FGFRL1: variants seen among roughly 807,000 people sequenced by gnomAD.
The protein encoded by FGFRL1 is fibroblast growth factor receptor-like 1.
FGFRL1 carries 24 observed loss-of-function variants against 36.8 expected under a neutral mutation model. The observed-to-expected ratio is 0.65, with a 90% CI of 0.47 to 0.92. The LOEUF (loss-of-function observed/expected upper bound fraction) is 0.92, where lower values mean the gene tolerates loss of function less well. Ranked by LOEUF, FGFRL1 falls within the 40% of genes least tolerant of loss-of-function variation. The pLI, the probability that FGFRL1 is intolerant of heterozygous loss-of-function variation, is 0.00. For missense variants in FGFRL1, 785 were observed against 753.4 expected (o/e 1.04, Z -0.49); for synonymous variants, 422 against 344.1 (o/e 1.23, Z -2.50).
chr4:1,014,706 C>G (rs1240021754), intron 2 of FGFRL1, among the ~76,000 whole-genome samples: 2 of 152,258 alleles, frequency 1.3e-5, no homozygotes, highest in Admixed American at 1.3e-4. Context: ...GCCTTCCTCC[C>G]TCGCCCCAGG....
chr4:1,022,614 A>C, intron 3 of FGFRL1, 139 bp downstream of exon 3: 2 of 1,090,020 alleles, frequency 1.8e-6, no homozygotes, highest in South Asian at 1.7e-5. Flanking sequence ...GCCCTGCCCC[A>C]CCTCAGCTGG....
rs559902765 is a variant in FGFRL1, at chr4:1,023,192, C to G, written c.353-449C>G. Among the ~76,000 whole-genome samples, 10 of 152,322 alleles carry G rather than the reference C, an allele frequency of 6.6e-5. No homozygotes were observed. The highest frequency in any genetic ancestry group is 1.9e-4 in the East Asian group (1 of 5,190). On this transcript the variant is annotated intron_variant, in intron 3 of 6. Coordinates refer to ENST00000510644, the MANE Select transcript of FGFRL1 (RefSeq NM_001004356.3). This position sits in a 1 kb window ranked among gnomAD's most constrained non-coding sequence, Gnocchi z 6.0. ...TGGAGGGGACATTCCACAGCACGCC[C>G]TGCCCCTCGGCATTGTGTGGAATGG...
chr4:1,023,744 G>C lies in FGFRL1; in HGVS notation c.433+23G>C. ...GGGGTGAGCAGGGGGTGACGGGGGT[G>C]GGGGGCGTCCGTCTGTCCCGGCCCC... On this transcript the variant is annotated intron_variant, in intron 4 of 6. Transcript: ENST00000510644. The surrounding 1 kb of genome is among the most constrained non-coding windows in gnomAD (Gnocchi z 6.0). 1 of 1,550,510 alleles carries C rather than the reference G, an allele frequency of 6.4e-7. No individual in the cohort carries two copies. The highest frequency in any genetic ancestry group is 8.7e-7 in the Non-Finnish European group (1 of 1,148,110).
At chr4:1,013,629 C>T (rs1277352168) in intron 2 of FGFRL1, among the ~76,000 whole-genome samples, 1 of 152,392 alleles carries the variant, frequency 6.6e-6, no homozygotes, top group South Asian at 2.1e-4. Context: ...CCATACTGGG[C>T]GAGCCCCTAC....
At chr4:1,016,204 G>A (rs1715878501) in intron 2 of FGFRL1, among the ~76,000 whole-genome samples, 1 of 152,186 alleles carries the variant, frequency 6.6e-6, no homozygotes, top group African/African-American at 2.4e-5. Flanking sequence ...CTGATCTCTG[G>A]CCTCAGGGGT....
At chr4:1,016,814 G>A (rs1256414617) in intron 2 of FGFRL1, among the ~76,000 whole-genome samples, 5 of 152,172 alleles carry the variant, frequency 3.3e-5, no homozygotes, top group East Asian at 3.8e-4. Flanking sequence ...AGCAGGCTGC[G>A]TGGCGGTCAC....
intron 2 of FGFRL1, among the ~76,000 whole-genome samples, chr4:1,016,960 C>T (rs1290165962): frequency 6.6e-6 from 1 of 152,144 alleles, no homozygotes; most frequent in African/African-American, 2.4e-5. Context: ...AGCCACATAG[C>T]GGCCATCTGT....
intron 2 of FGFRL1, among the ~76,000 whole-genome samples, chr4:1,019,768 G>T (rs562032210): frequency 6.6e-6 from 1 of 152,358 alleles, no homozygotes; most frequent in African/African-American, 2.4e-5. Context: ...CCATGGCCTG[G>T]GTGGGAGGGT....
In FGFRL1 at chr4:1,023,210, T is replaced by G. The variant is rs920537447; in HGVS notation, c.353-431T>G. Among the ~76,000 whole-genome samples, 2 of 152,040 alleles carry G rather than the reference T, an allele frequency of 1.3e-5. No homozygotes were observed. The highest frequency in any genetic ancestry group is 2.9e-5 in the Non-Finnish European group (2 of 67,968). ...GCACGCCCTGCCCCTCGGCATTGTG[T>G]GGAATGGGAAAACTGGCTGTCCCCC... is the stretch of plus-strand genomic sequence containing the variant. On this transcript the variant is annotated intron_variant, in intron 3 of 6. Transcript: ENST00000510644. This position sits in a 1 kb window ranked among gnomAD's most constrained non-coding sequence, Gnocchi z 6.0.
intron 2 of FGFRL1, among the ~76,000 whole-genome samples, chr4:1,017,072 A>C (rs1715925663): frequency 6.6e-6 from 1 of 152,146 alleles, no homozygotes; most frequent in African/African-American, 2.4e-5. Flanking sequence ...GGGGTTCGAC[A>C]CAGTGTGTCC....
Position 1,024,542 on chromosome 4 carries a change from GCTC to G in FGFRL1, c.953_955del (p.Ser318del). The G allele has an allele frequency of 6.2e-7, 1 of 1,612,416 alleles. No individual in the cohort carries two copies. The highest frequency in any genetic ancestry group is 2.2e-5 in the East Asian group (1 of 44,872). The stretch of plus-strand genomic sequence containing the variant: ...GGTGACGTGTGGTCGCGGCCCGACG[GCTC>G]CTACCTCAATAAGCTGCTCATCACC... On this transcript the variant is annotated inframe_deletion, in exon 6 of 7. Transcript: ENST00000510644.
chr4:1,010,568 C>T (rs1264138680), upstream of FGFRL1, among the ~76,000 whole-genome samples: 3 of 152,192 alleles, frequency 2.0e-5, no homozygotes, highest in South Asian at 2.1e-4. Flanking sequence ...GCTTCAGGCC[C>T]CAGAAAGAGA....
chr4:1,025,108 C>T lies in FGFRL1; in HGVS notation c.1276C>T (p.Arg426Cys), dbSNP rs766347101. Residue 426 changes from arginine to cysteine, a missense_variant, in exon 7 of 7, where the codon CGC becomes TGC. Coordinates refer to ENST00000510644, the MANE Select transcript of FGFRL1 (RefSeq NM_001004356.3). ...GHRPPGTARD[R>C]SGDKDLPSLA... ...CCGCCCGCCGGGGACGGCCCGCGAC[C>T]GCAGCGGAGACAAGGACCTTCCCTC... 1.5e-5 allele frequency: 24 copies of T among 1,611,152 alleles called. No homozygotes were observed. In the Admixed American group the frequency reaches 1.5e-4, roughly 10 times the overall value.
chr4:1,023,547 T>C lies in FGFRL1; in HGVS notation c.353-94T>C, dbSNP rs368492684. ...CCTGGGTGTCCAGGGCTGTCCCGGCTGGGGCTGGGGGAGCTAGAGGCCACG... is the reference window on the plus strand; with the variant it reads ...CCTGGGTGTCCAGGGCTGTCCCGGCCGGGGCTGGGGGAGCTAGAGGCCACG... On this transcript the variant is annotated intron_variant, in intron 3 of 6. Coordinates refer to ENST00000510644, the MANE Select transcript of FGFRL1 (RefSeq NM_001004356.3). This position sits in a 1 kb window ranked among gnomAD's most constrained non-coding sequence, Gnocchi z 6.0. 2 of 1,174,910 alleles carry C rather than the reference T, an allele frequency of 1.7e-6. No homozygotes were observed. The allele number at this position is 1,174,910 out of a possible 1,614,324, so 72.8% of individuals were successfully genotyped here. A position where few individuals can be genotyped will look rare whatever the true frequency, so the allele number is the denominator to read the frequency against.
At chr4:1,024,840 G>T in intron 6 of FGFRL1, 65 bp from the exon 7 acceptor site, 1 of 1,502,992 alleles carries the variant, frequency 6.7e-7, no homozygotes, top group South Asian at 1.3e-5. Flanking sequence ...GGATGGGTCT[G>T]GGGTGCTCTC....
intron 2 of FGFRL1, among the ~76,000 whole-genome samples, chr4:1,013,458 A>G (rs866154733): frequency 1.1e-4 from 17 of 152,320 alleles, no homozygotes; most frequent in South Asian, 8.3e-4. Context: ...GCCGCATCCA[A>G]CCTGGCCTTA....
At chr4:1,020,239 C>G (rs866274808) in intron 2 of FGFRL1, among the ~76,000 whole-genome samples, 17 of 152,220 alleles carry the variant, frequency 1.1e-4, no homozygotes, top group South Asian at 2.1e-4. Flanking sequence ...GTGTTCTGCA[C>G]GCAGCCTGGA....
At position 1,025,259 on chromosome 4, in the gene FGFRL1, C is replaced by G; in HGVS notation, c.1427C>G (p.Thr476Arg). 1.9e-6 allele frequency: 3 copies of G among 1,602,716 alleles called. No individual in the cohort carries two copies. Among genetic ancestry groups the G allele is most frequent in the Non-Finnish European group, 2.6e-6 (3 of 1,174,968 alleles). Residue 476 changes from threonine (T) to arginine (R), a missense_variant, in exon 7 of 7, where the codon ACA (threonine) becomes AGA (arginine). Transcript: ENST00000510644. ...CCTAAGTTGTACCCCAAACTCTACA[C>G]AGACATCCACACACACACACACACA... is the stretch of plus-strand genomic sequence containing the variant. ...AGPKLYPKLY[T>R]DIHTHTHTHS...
At position 1,025,497 on chromosome 4, in the gene FGFRL1, G is replaced by A. The variant is rs1716470323; in HGVS notation, c.*150G>A. 8.0e-6 allele frequency: 7 copies of A among 879,818 alleles called. No homozygotes were observed. In the South Asian group the frequency reaches 1.1e-4, roughly 13 times the overall value. 54.5% of individuals were successfully genotyped at this position (879,818 alleles called of 1,614,324 possible). ...AGTCTGTGTGTGAGGCATAGCCCCT[G>A]GACACACACACACAGACACACACAC... On this transcript the variant is annotated 3_prime_UTR_variant, in exon 7 of 7. Coordinates refer to ENST00000510644, the MANE Select transcript of FGFRL1 (RefSeq NM_001004356.3).
Sources: gnomAD v4.1 joint callset for allele counts (sites outside exome capture counted in the v4.1 genomes callset) on GRCh38, gnomAD v4.1.1 for gene constraint, Gnocchi (gnomAD v3.1) non-coding constraint, MANE v1.5 for transcripts, NCBI Gene and HGNC (gene_info 2026-07-23, HGNC 2026-07-21) for gene names.